PCDHGA4: variants seen among roughly 807,000 people sequenced by gnomAD.
The protein encoded by PCDHGA4 is protocadherin gamma-A4.
PCDHGA4 carries 38 observed loss-of-function variants against 54.6 expected under a neutral mutation model. The observed-to-expected ratio is 0.70, with a 90% CI of 0.54 to 0.91. The LOEUF (loss-of-function observed/expected upper bound fraction) is 0.91, where lower values mean the gene tolerates loss of function less well. Ranked by LOEUF, PCDHGA4 falls within the 40% of genes least tolerant of loss-of-function variation. The probability of loss-of-function intolerance (pLI) is 0.00; values close to 1 mark genes in which losing one functional copy is unlikely to be tolerated. For synonymous variants in PCDHGA4, 511 were observed against 512.9 expected, an observed-to-expected ratio of 1.00 and a Z score of 0.05; for missense variants, 1,298 against 1,220.9, an observed-to-expected ratio of 1.06 and a Z score of -0.94.
At chr5:141,360,049 A>G (rs1330133031) in intron 1 of PCDHGA4, 2 of 1,434,672 alleles carry the variant, frequency 1.4e-6, no homozygotes, top group African/African-American at 2.9e-5. Flanking sequence ...CAGAAAACAA[A>G]AGCAGGAAAA....
At chr5:141,371,281 G>A in intron 1 of PCDHGA4, 1 of 1,614,034 alleles carries the variant, frequency 6.2e-7, no homozygotes, top group Non-Finnish European at 8.5e-7. Context: ...AAGCTGGACA[G>A]TAAAACGGGG....
chr5:141,389,432 C>A (rs1007591817), intron 1 of PCDHGA4: 2 of 1,610,650 alleles, frequency 1.2e-6, no homozygotes, highest in Non-Finnish European at 8.5e-7. Flanking sequence ...TCGCGCAGCG[C>A]GCCTTCGACC....
chr5:141,463,086 GC>G (rs1171354311), intron 1 of PCDHGA4, among the ~76,000 whole-genome samples: 1 of 152,098 alleles, frequency 6.6e-6, no homozygotes, highest in African/African-American at 2.4e-5. Context: ...ACATTTTCCA[GC>G]CCTATGTGAC....
intron 1 of PCDHGA4, among the ~76,000 whole-genome samples, chr5:141,437,919 G>A (rs2097917914): frequency 1.3e-5 from 2 of 152,078 alleles, no homozygotes; most frequent in Admixed American, 1.3e-4. Context: ...TGTATTTTTA[G>A]TAGAGATGGG....
intron 1 of PCDHGA4, chr5:141,419,981 AT>A (rs1205154474): frequency 1.2e-6 from 2 of 1,614,052 alleles, no homozygotes; most frequent in Admixed American, 3.3e-5. Flanking sequence ...CCTCGCGGTG[AT>A]TCTAGCTATT....
chr5:141,432,139 TATCCCAGAGAACA>T lies in PCDHGA4; in HGVS notation c.2515-62658_2515-62646del, dbSNP rs745506362. On this transcript the variant is annotated intron_variant, in intron 1 of 3. Transcript: ENST00000571252. The surrounding 1 kb of genome is among the most constrained non-coding windows in gnomAD (Gnocchi z 6.0). ...TCCCTCAGGCCTCCTATTCCGCTTA[TATCCCAGAGAACA>T]ATCCCAGAGGAGTTTCCCTCGTCTC... 1.1e-5 allele frequency: 17 copies of T among 1,613,976 alleles called. No individual in the cohort carries two copies. The highest frequency in any genetic ancestry group is 1.3e-5 in the African/African-American group (1 of 74,892).
At chr5:141,420,382 C>CA (rs1414569792) in intron 1 of PCDHGA4, 5 of 1,300,530 alleles carry the variant, frequency 3.8e-6, no homozygotes, top group Non-Finnish European at 5.1e-6. Flanking sequence ...ATAGAGTTCG[C>CA]AAAATATAGG....
intron 1 of PCDHGA4, chr5:141,405,106 C>G: frequency 6.2e-7 from 1 of 1,613,964 alleles, no homozygotes; most frequent in Non-Finnish European, 8.5e-7. Flanking sequence ...GGCTGAGGCA[C>G]TGGCACTCCT....
At chr5:141,410,821 C>A in intron 1 of PCDHGA4, 1 of 441,370 alleles carries the variant, frequency 2.3e-6, no homozygotes, top group Non-Finnish European at 3.8e-6. Context: ...AAAATAATGT[C>A]ACCAGACTGA....
intron 1 of PCDHGA4, chr5:141,421,138 G>T (rs2096548427): frequency 1.1e-6 from 1 of 899,466 alleles, no homozygotes. Context: ...ATATATTTTG[G>T]ATGTAGTCGG....
Position 141,460,747 on chromosome 5 carries a change from G to A in PCDHGA4, c.2515-34060G>A, listed in dbSNP as rs148154304. On this transcript the variant is annotated intron_variant, in intron 1 of 3. Transcript: ENST00000571252. ...GCATATATACACATTGTATATATAT[G>A]TGTACATATACATATTGCATATGTA... Among the ~76,000 whole-genome samples, 351 of 151,000 alleles carry A rather than the reference G, an allele frequency of 2.3e-3. 2 individuals are homozygous for A. The highest frequency in any genetic ancestry group is 6.8e-3 in the Middle Eastern group (2 of 294).
chr5:141,396,698 A>G (rs1003976752), intron 1 of PCDHGA4: 8 of 152,182 alleles, frequency 5.3e-5, no homozygotes, highest in African/African-American at 1.9e-4. Context: ...ACCTTCTTGT[A>G]GCATTTGAAT....
At chr5:141,389,794 G>A (rs1015982333) in intron 1 of PCDHGA4, 21 of 1,613,396 alleles carry the variant, frequency 1.3e-5, no homozygotes, top group East Asian at 2.2e-5. Flanking sequence ...GACGCCGTCC[G>A]CCAGCGCCTT....
chr5:141,415,754 T>TTTTG, intron 1 of PCDHGA4: 1 of 1,385,736 alleles, frequency 7.2e-7, no homozygotes, highest in Non-Finnish European at 9.3e-7. Flanking sequence ...TTTTTTTTTT[T>TTTTG]TTTTTTTTTT....
At chr5:141,385,152 G>C in intron 1 of PCDHGA4, 1 of 1,614,210 alleles carries the variant, frequency 6.2e-7, no homozygotes, top group Non-Finnish European at 8.5e-7. Flanking sequence ...CTTTCCTGCA[G>C]ACCTATTCCC....
intron 1 of PCDHGA4, among the ~76,000 whole-genome samples, chr5:141,358,192 AAAAGTAAAATAAAAT>A (rs1229830630): frequency 7.9e-5 from 12 of 152,228 alleles, no homozygotes; most frequent in African/African-American, 2.4e-4. Flanking sequence ...TCTGTCTCCA[AAAAGTAAAATAAAAT>A]AAAGTAAAAT....
chr5:141,381,153 G>A (rs1345573365), intron 1 of PCDHGA4, among the ~76,000 whole-genome samples: 3 of 152,196 alleles, frequency 2.0e-5, no homozygotes, highest in Non-Finnish European at 4.4e-5. Context: ...GCAGAAATAG[G>A]TTACTTAGGA....
At chr5:141,408,636 C>A in intron 1 of PCDHGA4, 1 of 1,614,024 alleles carries the variant, frequency 6.2e-7, no homozygotes, top group Non-Finnish European at 8.5e-7. Flanking sequence ...ATTTTCGAAT[C>A]TGCATCCGCT....
chr5:141,365,232 T>A (rs762059066), intron 1 of PCDHGA4: 2 of 1,613,878 alleles, frequency 1.2e-6, no homozygotes, highest in East Asian at 4.5e-5. Flanking sequence ...CTGGGGGAAA[T>A]CTCAACTCTA....
Sources: gnomAD v4.1 joint callset for allele counts (sites outside exome capture counted in the v4.1 genomes callset) on GRCh38, gnomAD v4.1.1 for gene constraint, Gnocchi (gnomAD v3.1) non-coding constraint, MANE v1.5 for transcripts, NCBI Gene and HGNC (gene_info 2026-07-23, HGNC 2026-07-21) for gene names.